The following IQGAP2 variants were observed in gnomAD, a reference collection of about 807,000 sequenced individuals.
IQGAP2 encodes the protein IQ motif containing GTPase activating protein 2.
Under a neutral mutation model 201.3 loss-of-function variants are expected in IQGAP2, and 173 were observed. That is an observed-to-expected ratio of 0.86 (90% confidence interval 0.76 to 0.98). The LOEUF (loss-of-function observed/expected upper bound fraction) is 0.98, where lower values mean the gene tolerates loss of function less well. Among genes scored for constraint, IQGAP2 ranks in the 50% least tolerant of loss-of-function variants. IQGAP2 has a pLI of 0.00. For missense variants in IQGAP2, 1,687 were observed against 1,864.8 expected, an observed-to-expected ratio of 0.90 and a Z score of 1.76; for synonymous variants, 675 against 673.9, an observed-to-expected ratio of 1.00 and a Z score of -0.03.
At chr5:76,510,758 G>A (rs1310936710) in intron 2 of IQGAP2, 1 of 482,850 alleles carries the variant, frequency 2.1e-6, no homozygotes, top group Non-Finnish European at 4.2e-6. Flanking sequence ...ACCCACACCA[G>A]ACTTGCAGTA....
At chr5:76,534,581 G>T (rs1042651089) in intron 2 of IQGAP2, among the ~76,000 whole-genome samples, 1 of 152,102 alleles carries the variant, frequency 6.6e-6, no homozygotes, top group African/African-American at 2.4e-5. Flanking sequence ...TTTTTAAAGT[G>T]AGCCTATGAT....
intron 2 of IQGAP2, among the ~76,000 whole-genome samples, chr5:76,496,758 T>TTTCTTTCTTTCTC (rs1756978831): frequency 1.4e-5 from 1 of 69,984 alleles, no homozygotes; most frequent in Admixed American, 1.5e-4. Context: ...TCTTTCTTTC[T>TTTCTTTCTTTCTC]TTCTTTCTTT....
At chr5:76,689,982 C>A (rs1746124038) in intron 30 of IQGAP2, among the ~76,000 whole-genome samples, 1 of 152,190 alleles carries the variant, frequency 6.6e-6, no homozygotes, top group African/African-American at 2.4e-5. Context: ...GGGGTTTGAG[C>A]ACAGCTATGA....
chr5:76,513,060 G>A (rs7735385), intron 2 of IQGAP2, among the ~76,000 whole-genome samples: 27 of 147,618 alleles, frequency 1.8e-4, no homozygotes, highest in East Asian at 2.0e-4. Context: ...GTCTCAAAAA[G>A]AAAAAAAAAA....
chr5:76,418,975 C>A (rs1180605023), intron 1 of IQGAP2, among the ~76,000 whole-genome samples: 2 of 152,128 alleles, frequency 1.3e-5, no homozygotes, highest in East Asian at 3.9e-4. Flanking sequence ...AGCATAATAT[C>A]CCATCTTGGA....
intron 13 of IQGAP2, among the ~76,000 whole-genome samples, chr5:76,619,514 CTTTTTTTTTTTTT>C: frequency 9.6e-6 from 1 of 104,266 alleles, no homozygotes; most frequent in East Asian, 2.5e-4. Flanking sequence ...TAAGGATCTT[CTTTTTTTTTTTTT>C]TTTTTTTTTG....
intron 21 of IQGAP2, chr5:76,660,323 G>A (rs1490632235): frequency 6.6e-6 from 1 of 152,126 alleles, no homozygotes; most frequent in African/African-American, 2.4e-5. Context: ...CAGTTTAAAT[G>A]TTCTACATTT....
At chr5:76,469,743 A>G (rs1438955681) in intron 2 of IQGAP2, among the ~76,000 whole-genome samples, 2 of 151,944 alleles carry the variant, frequency 1.3e-5, no homozygotes, top group South Asian at 4.1e-4. Context: ...AAAATATTAA[A>G]CAGGCTTTTT....
At position 76,403,572 on chromosome 5, in the gene IQGAP2, G is replaced by T. The variant is rs771859775; in HGVS notation, c.27G>T (p.Leu9=). 96 of 1,542,772 alleles carry T rather than the reference G, an allele frequency of 6.2e-5. No individual in the cohort carries two copies. Among genetic ancestry groups the T allele is most frequent in the Non-Finnish European group, 8.2e-5 (94 of 1,150,118 alleles). MPHEELPS[L]QRPRYGSIVD... ...TGCCACACGAAGAGCTGCCGTCGCT[G>T]CAGAGACCCCGCTATGGCTGTAAGT... Residue 9 remains leucine, a synonymous_variant, in exon 1 of 36, where the codon CTG becomes CTT. Transcript: ENST00000274364. This position sits in a 1 kb window ranked among gnomAD's most constrained non-coding sequence, Gnocchi z 4.8.
At chr5:76,425,497 A>G (rs1290905212) in intron 1 of IQGAP2, among the ~76,000 whole-genome samples, 2 of 152,230 alleles carry the variant, frequency 1.3e-5, no homozygotes, top group Non-Finnish European at 2.9e-5. Context: ...GATACACTGT[A>G]GGGAAGTTAG....
At chr5:76,420,513 T>C (rs1249850734) in intron 1 of IQGAP2, among the ~76,000 whole-genome samples, 1 of 151,878 alleles carries the variant, frequency 6.6e-6, no homozygotes, top group Non-Finnish European at 1.5e-5. Context: ...GTAGCTGGGA[T>C]TACAGGTGCC....
intron 1 of IQGAP2, among the ~76,000 whole-genome samples, chr5:76,427,776 C>G (rs570448475): frequency 6.6e-6 from 1 of 152,194 alleles, no homozygotes; most frequent in African/African-American, 2.4e-5. Flanking sequence ...GGCTCTGCTA[C>G]GGACCAGTTC....
intron 2 of IQGAP2, among the ~76,000 whole-genome samples, chr5:76,535,765 G>A (rs1339352967): frequency 6.6e-6 from 1 of 152,162 alleles, no homozygotes; most frequent in Non-Finnish European, 1.5e-5. Flanking sequence ...GCAGAGCAGG[G>A]CTACCCTACC....
At chr5:76,410,931 A>G (rs540965273) in intron 1 of IQGAP2, among the ~76,000 whole-genome samples, 2 of 152,160 alleles carry the variant, frequency 1.3e-5, no homozygotes, top group Non-Finnish European at 2.9e-5. Flanking sequence ...TGTATTGTGT[A>G]TGACTTCTTC....
chr5:76,501,357 G>A (rs993004807), intron 2 of IQGAP2, among the ~76,000 whole-genome samples: 6 of 152,128 alleles, frequency 3.9e-5, no homozygotes, highest in Admixed American at 6.5e-5. Flanking sequence ...CTTGAGCTCA[G>A]AAGTTCAAGA....
At chr5:76,614,379 G>A (rs1447864735) in intron 13 of IQGAP2, among the ~76,000 whole-genome samples, 3 of 152,142 alleles carry the variant, frequency 2.0e-5, no homozygotes, top group Admixed American at 6.5e-5. Context: ...TTAGACTATA[G>A]TTAGAGGTTT....
At chr5:76,538,815 G>A (rs1759770240) in intron 2 of IQGAP2, among the ~76,000 whole-genome samples, 1 of 152,134 alleles carries the variant, frequency 6.6e-6, no homozygotes, top group South Asian at 2.1e-4. Flanking sequence ...TGAGCTCTAG[G>A]CCCTCTGGGA....
intron 2 of IQGAP2, among the ~76,000 whole-genome samples, chr5:76,548,389 T>C (rs1447662040): frequency 6.6e-6 from 1 of 152,228 alleles, no homozygotes; most frequent in East Asian, 1.9e-4. Context: ...CACCTGGCTT[T>C]GGGAAAGCAT....
intron 13 of IQGAP2, among the ~76,000 whole-genome samples, chr5:76,622,708 A>G (rs1749820777): frequency 6.6e-6 from 1 of 152,210 alleles, no homozygotes; most frequent in Non-Finnish European, 1.5e-5. Flanking sequence ...TTTCGGAAAT[A>G]CTGACTTATT....
Sources: allele counts gnomAD v4.1 joint callset (sites outside exome capture counted in the v4.1 genomes callset), GRCh38; gene constraint gnomAD v4.1.1; non-coding constraint Gnocchi (gnomAD v3.1); transcripts MANE v1.5; gene names NCBI Gene and HGNC (gene_info 2026-07-23, HGNC 2026-07-21).